Variants in DNAJC6 observed in about 807,000 individuals in gnomAD.
DNAJC6 encodes auxilin.
Under a neutral mutation model 110.0 loss-of-function variants are expected in DNAJC6, and 34 were observed. The ratio of observed to expected loss-of-function variants is 0.31; its 90% CI spans 0.24 to 0.41. DNAJC6 has a LOEUF of 0.41. DNAJC6 is among the 10% of genes least tolerant of loss of function. The probability of loss-of-function intolerance (pLI) is 1.00; values close to 1 mark genes in which losing one functional copy is unlikely to be tolerated. For synonymous variants in DNAJC6, 406 were observed against 437.2 expected (o/e 0.93, Z 0.89); for missense variants, 1,031 against 1,207.8 (o/e 0.85, Z 2.17).
intron 1 of DNAJC6, among the ~76,000 whole-genome samples, chr1:65,266,036 G>A (rs1389123411): frequency 6.6e-6 from 1 of 152,248 alleles, no homozygotes; most frequent in Non-Finnish European, 1.5e-5. Context: ...GGGCTTGGGT[G>A]CGCAGGTGGG....
At chr1:65,288,730 T>C (rs894397962) in intron 1 of DNAJC6, among the ~76,000 whole-genome samples, 1 of 152,190 alleles carries the variant, frequency 6.6e-6, no homozygotes, top group African/African-American at 2.4e-5. Context: ...CACTGTAGAT[T>C]CATTTTGTTC....
At chr1:65,314,454 G>A (rs998878656) in intron 1 of DNAJC6, among the ~76,000 whole-genome samples, 2 of 152,042 alleles carry the variant, frequency 1.3e-5, no homozygotes, top group African/African-American at 2.4e-5. Context: ...GGTCTTGTAG[G>A]TTGGAGGCAA....
intron 1 of DNAJC6, among the ~76,000 whole-genome samples, chr1:65,344,513 A>G (rs1021578363): frequency 1.3e-5 from 2 of 152,048 alleles, no homozygotes; most frequent in African/African-American, 4.8e-5. Context: ...GCAACCCCCA[A>G]TATTTGGCTT....
upstream of DNAJC6, among the ~76,000 whole-genome samples, chr1:65,306,972 TTCTCTCTCTCTCTCTCTCTCTCTC>T (rs144458447): frequency 2.1e-4 from 19 of 90,426 alleles, no homozygotes; most frequent in East Asian, 2.3e-3. Context: ...CTCAATCTGT[TTCTCTCTCTCTCTCTCTCTCTCTC>T]TCTCTCTCTC....
chr1:65,374,975 A>ACT (rs111682907), intron 4 of DNAJC6, among the ~76,000 whole-genome samples: 4 of 143,252 alleles, frequency 2.8e-5, no homozygotes, highest in African/African-American at 7.7e-5. Context: ...TTTTCTGAGG[A>ACT]TTTTTTTTTT....
chr1:65,313,955 C>T (rs1001317982), intron 1 of DNAJC6, among the ~76,000 whole-genome samples: 2 of 152,148 alleles, frequency 1.3e-5, no homozygotes, highest in Non-Finnish European at 2.9e-5. Flanking sequence ...GAAAGTAGAA[C>T]CACAAAAGTA....
At chr1:65,369,995 G>A (rs1327998332) in intron 4 of DNAJC6, among the ~76,000 whole-genome samples, 2 of 152,060 alleles carry the variant, frequency 1.3e-5, no homozygotes. Context: ...GCGAAGTACT[G>A]GAATACCTAT....
rs143566937 is a variant in DNAJC6, at chr1:65,284,094, G to T, written c.-131+19162G>T. On this transcript the variant is annotated intron_variant, in intron 1 of 19. Transcript: ENST00000263441. ...ATCTCAATCCTGCCATCTTCCCAATGCCTGGAGAAAGTCACAAAAGTGCTC... is the reference window on the plus strand; with the variant it reads ...ATCTCAATCCTGCCATCTTCCCAATTCCTGGAGAAAGTCACAAAAGTGCTC... Among the ~76,000 whole-genome samples, 29 of 152,174 alleles carry T rather than the reference G, an allele frequency of 1.9e-4. No homozygotes were observed. The East Asian group carries it at 5.6e-3, about 29-fold the overall frequency.
At chr1:65,314,796 T>C (rs1381483689) in intron 1 of DNAJC6, among the ~76,000 whole-genome samples, 1 of 152,280 alleles carries the variant, frequency 6.6e-6, no homozygotes, top group Non-Finnish European at 1.5e-5. Flanking sequence ...CCAATTTATA[T>C]AACTTATTTA....
chr1:65,406,081 C>T lies in DNAJC6; in HGVS notation c.2439C>T (p.Phe813=). The T allele has an allele frequency of 6.2e-7, 1 of 1,614,206 alleles. No homozygotes were observed. The highest frequency in any genetic ancestry group is 8.5e-7 in the Non-Finnish European group (1 of 1,180,048). ...PQNRPNYNVS[F]SAMPGGQNER... ...ACCGACCCAACTACAACGTGAGCTT[C>T]TCAGCCATGCCTGGGGGCCAGAACG... The change falls in exon 16 of 19, where the codon TTC becomes TTT. Residue 813 remains phenylalanine (F), a synonymous_variant. Coordinates refer to ENST00000371069, the MANE Select transcript of DNAJC6 (RefSeq NM_001256864.2).
intron 1 of DNAJC6, among the ~76,000 whole-genome samples, chr1:65,297,021 T>A (rs887853724): frequency 1.3e-5 from 2 of 152,182 alleles, no homozygotes; most frequent in Non-Finnish European, 2.9e-5. Flanking sequence ...CAGTGTAGCA[T>A]GTTGTAAGTG....
chr1:65,305,356 A>G (rs1325511191), upstream of DNAJC6, among the ~76,000 whole-genome samples: 4 of 152,266 alleles, frequency 2.6e-5, no homozygotes, highest in Non-Finnish European at 4.4e-5. Context: ...AAATACATTT[A>G]TATCATTACT....
chr1:65,310,756 A>T (rs1470737874), intron 1 of DNAJC6, among the ~76,000 whole-genome samples: 2 of 152,168 alleles, frequency 1.3e-5, no homozygotes, highest in Non-Finnish European at 2.9e-5. Flanking sequence ...CATTTAATAT[A>T]TCCATGTTGG....
chr1:65,307,016 CTCTATATATA>C (rs1475352752), upstream of DNAJC6, among the ~76,000 whole-genome samples: 73 of 73,686 alleles, frequency 9.9e-4, no homozygotes, highest in Admixed American at 1.9e-3. Context: ...CTCTCTCTCT[CTCTATATATA>C]TATATATATA....
chr1:65,405,475 G>A (rs1646066848), intron 15 of DNAJC6, among the ~76,000 whole-genome samples: 1 of 152,028 alleles, frequency 6.6e-6, no homozygotes, highest in African/African-American at 2.4e-5. Flanking sequence ...TTTTATTCTA[G>A]TGAAGAAACA....
At chr1:65,273,346 C>G (rs964946168) in intron 1 of DNAJC6, among the ~76,000 whole-genome samples, 2 of 152,180 alleles carry the variant, frequency 1.3e-5, no homozygotes, top group Non-Finnish European at 2.9e-5. Flanking sequence ...CGCCTGTAAT[C>G]CCAGCACTTT....
In DNAJC6 at chr1:65,366,177, C is replaced by T. The variant is rs1354846243; in HGVS notation, c.524C>T (p.Thr175Ile). 6.2e-7 allele frequency: 1 copy of T among 1,613,554 alleles called. No individual in the cohort carries two copies. The highest frequency in any genetic ancestry group is 1.7e-5 in the Admixed American group (1 of 59,968). ...AATCTGTCACCTAAGTCTTATCGAA[C>T]TGCCAAGTTTCACAGCCGGGTAAGG... ...VYNLSPKSYR[T>I]AKFHSRVSEC... is the part of the protein sequence containing the mutation. Residue 175 changes from threonine to isoleucine, a missense_variant, in exon 4 of 19, where the codon ACT (threonine) becomes ATT (isoleucine). Transcript: ENST00000371069.
At chr1:65,353,822 G>C (rs1645515239) in intron 1 of DNAJC6, among the ~76,000 whole-genome samples, 1 of 152,028 alleles carries the variant, frequency 6.6e-6, no homozygotes, top group Non-Finnish European at 1.5e-5. Context: ...TTTTAGGCAG[G>C]CTTTCTCAGT....
At chr1:65,301,991 G>A (rs1420594731) in intron 1 of DNAJC6, among the ~76,000 whole-genome samples, 1 of 150,728 alleles carries the variant, frequency 6.6e-6, no homozygotes, top group African/African-American at 2.4e-5. Flanking sequence ...GAGAGAGAGA[G>A]AGAGGGAGAG....
Sources: allele counts gnomAD v4.1 joint callset (sites outside exome capture counted in the v4.1 genomes callset), GRCh38; gene constraint gnomAD v4.1.1; transcripts MANE v1.5; gene names NCBI Gene and HGNC (gene_info 2026-07-23, HGNC 2026-07-21).